THSD7A: variants seen among roughly 807,000 people sequenced by gnomAD.
THSD7A encodes thrombospondin type 1 domain containing 7A, also known as thrombospondin type-1 domain-containing protein 7A.
In THSD7A, 96 loss-of-function variants were observed where a neutral mutation model predicts 231.3. The observed-to-expected ratio is 0.41, with a 90% confidence interval of 0.35 to 0.49. The LOEUF is 0.49. THSD7A is among the 20% of genes least tolerant of loss of function. The probability of loss-of-function intolerance (pLI) is 0.05; values close to 1 mark genes in which losing one functional copy is unlikely to be tolerated. For missense variants in THSD7A, 2,290 were observed against 2,070.2 expected, an observed-to-expected ratio of 1.11 and a Z score of -2.06; for synonymous variants, 940 against 743.3, an observed-to-expected ratio of 1.26 and a Z score of -4.30.
chr7:11,631,114 T>TC (rs1781636171), intron 2 of THSD7A, among the ~76,000 whole-genome samples: 1 of 152,170 alleles, frequency 6.6e-6, no homozygotes, highest in Admixed American at 6.5e-5. Context: ...GTCTTGCCCT[T>TC]CCCCCCACCA....
chr7:11,603,968 TG>T (rs1301944849), intron 2 of THSD7A, among the ~76,000 whole-genome samples: 1 of 151,576 alleles, frequency 6.6e-6, no homozygotes, highest in Non-Finnish European at 1.5e-5. Context: ...GCATGGCGCA[TG>T]TATACATATG....
intron 6 of THSD7A, among the ~76,000 whole-genome samples, chr7:11,526,524 G>T (rs1222838795): frequency 6.6e-6 from 1 of 152,082 alleles, no homozygotes; most frequent in Non-Finnish European, 1.5e-5. Flanking sequence ...AATGGGCAGG[G>T]GCTGCTATTA....
chr7:11,420,960 C>T (rs555858005), intron 16 of THSD7A, among the ~76,000 whole-genome samples: 1 of 152,230 alleles, frequency 6.6e-6, no homozygotes, highest in South Asian at 2.1e-4. Flanking sequence ...GCGAATATCT[C>T]CCATTTGGAA....
chr7:11,701,431 G>A (rs1054251830), intron 1 of THSD7A, among the ~76,000 whole-genome samples: 2 of 150,970 alleles, frequency 1.3e-5, no homozygotes, highest in Non-Finnish European at 3.0e-5. Flanking sequence ...TTGAATTTTT[G>A]TGTACCTTTT....
intron 11 of THSD7A, among the ~76,000 whole-genome samples, chr7:11,454,704 T>C (rs1177077000): frequency 6.6e-6 from 1 of 151,994 alleles, no homozygotes; most frequent in African/African-American, 2.4e-5. Flanking sequence ...GTTATACATT[T>C]TTAATATCTC....
At chr7:11,566,098 T>C (rs1562724778) in intron 4 of THSD7A, among the ~76,000 whole-genome samples, 1 of 152,026 alleles carries the variant, frequency 6.6e-6, no homozygotes, top group South Asian at 2.1e-4. Flanking sequence ...TGCATGTGTT[T>C]CTTAAAAACA....
chr7:11,760,091 A>G (rs1782806455), intron 1 of THSD7A, among the ~76,000 whole-genome samples: 1 of 152,084 alleles, frequency 6.6e-6, no homozygotes, highest in Admixed American at 6.6e-5. Flanking sequence ...TTGGGAAAGA[A>G]GAGAAAGATG....
intron 7 of THSD7A, among the ~76,000 whole-genome samples, chr7:11,480,542 A>T (rs1337502360): frequency 6.6e-6 from 1 of 152,192 alleles, no homozygotes; most frequent in Admixed American, 6.5e-5. Context: ...TTTTCTTTGT[A>T]AAAGGTTGTA....
chr7:11,399,763 A>G (rs982740408), intron 23 of THSD7A, among the ~76,000 whole-genome samples: 1 of 152,206 alleles, frequency 6.6e-6, no homozygotes, highest in Non-Finnish European at 1.5e-5. Flanking sequence ...CGATTCCTCA[A>G]GGATCTGGAA....
chr7:11,501,901 G>T (rs1271140176), intron 6 of THSD7A, among the ~76,000 whole-genome samples: 2 of 151,950 alleles, frequency 1.3e-5, no homozygotes, highest in African/African-American at 4.8e-5. Context: ...ACTAATAGAA[G>T]AGAGAAAAGC....
At chr7:11,589,438 A>C (rs1225241024) in intron 4 of THSD7A, among the ~76,000 whole-genome samples, 1 of 152,088 alleles carries the variant, frequency 6.6e-6, no homozygotes, top group Admixed American at 6.5e-5. Flanking sequence ...CTCTGTCGTC[A>C]TTGAGCTCAA....
intron 6 of THSD7A, among the ~76,000 whole-genome samples, chr7:11,484,195 T>A (rs1207723992): frequency 6.6e-6 from 1 of 152,118 alleles, no homozygotes; most frequent in East Asian, 1.9e-4. Flanking sequence ...GGTTTTAGAA[T>A]GATTTCTGTA....
intron 1 of THSD7A, among the ~76,000 whole-genome samples, chr7:11,786,523 G>C (rs1783798368): frequency 6.6e-6 from 1 of 151,940 alleles, no homozygotes; most frequent in South Asian, 2.1e-4. Context: ...AGGTATGAAA[G>C]CATTAGAGAC....
intron 23 of THSD7A, among the ~76,000 whole-genome samples, chr7:11,395,541 T>G (rs1453876137): frequency 6.6e-6 from 1 of 151,802 alleles, no homozygotes; most frequent in Non-Finnish European, 1.5e-5. Context: ...TTTTTTTTCT[T>G]TTTTGAGACA....
chr7:11,539,108 A>G (rs1789035814), intron 6 of THSD7A, among the ~76,000 whole-genome samples: 1 of 152,170 alleles, frequency 6.6e-6, no homozygotes, highest in African/African-American at 2.4e-5. Context: ...CAACTAATCA[A>G]CTTTAATTCC....
intron 6 of THSD7A, among the ~76,000 whole-genome samples, chr7:11,525,950 A>G (rs1157479734): frequency 6.6e-6 from 1 of 152,194 alleles, no homozygotes; most frequent in Non-Finnish European, 1.5e-5. Flanking sequence ...CAAGAAAGTT[A>G]TCTGGAATAT....
intron 1 of THSD7A, among the ~76,000 whole-genome samples, chr7:11,658,518 G>T (rs1014933521): frequency 5.3e-5 from 8 of 151,484 alleles, no homozygotes; most frequent in African/African-American, 1.9e-4. Context: ...TCTCTCTGAG[G>T]GTGTGTTACA....
intron 1 of THSD7A, among the ~76,000 whole-genome samples, chr7:11,800,864 A>G (rs1267252313): frequency 6.6e-6 from 1 of 152,314 alleles, no homozygotes; most frequent in South Asian, 2.1e-4. Context: ...AAAAGAGGAT[A>G]GATCTCATGT....
chr7:11,762,857 A>G (rs1782910674), intron 1 of THSD7A, among the ~76,000 whole-genome samples: 1 of 152,182 alleles, frequency 6.6e-6, no homozygotes, highest in African/African-American at 2.4e-5. Flanking sequence ...GACAATCAAC[A>G]TCATTATAAT....
Sources: gnomAD v4.1 joint callset for allele counts (sites outside exome capture counted in the v4.1 genomes callset) on GRCh38, gnomAD v4.1.1 for gene constraint, MANE v1.5 for transcripts, NCBI Gene and HGNC (gene_info 2026-07-23, HGNC 2026-07-21) for gene names.